GALNT13: variants seen among roughly 807,000 people sequenced by gnomAD.
The protein encoded by GALNT13 is UDP-GalNAc:polypeptide N-acetylgalactosaminyltransferase 13.
A neutral mutation model predicts 64.2 loss-of-function variants in GALNT13; 28 were observed. The observed-to-expected ratio is 0.44, with a 90% CI of 0.32 to 0.60. The LOEUF (loss-of-function observed/expected upper bound fraction) is 0.60, where lower values mean the gene tolerates loss of function less well. GALNT13 is among the 20% of genes least tolerant of loss of function. GALNT13 has a pLI of 0.05. For missense variants in GALNT13, 577 were observed against 669.8 expected (o/e 0.86, Z 1.53); for synonymous variants, 214 against 224.6 (o/e 0.95, Z 0.42).
the GALNT13 span, among the ~76,000 whole-genome samples, chr2:153,389,945 G>A: frequency 6.6e-6 from 1 of 152,046 alleles, no homozygotes; most frequent in African/African-American, 2.4e-5. Flanking sequence ...TTATGACCCA[G>A]CAATCCCATT....
chr2:153,321,678 C>T, the GALNT13 span, among the ~76,000 whole-genome samples: 1 of 152,140 alleles, frequency 6.6e-6, no homozygotes, highest in East Asian at 1.9e-4. Context: ...CCAGTATCTA[C>T]CTCCATTTGA....
the GALNT13 span, among the ~76,000 whole-genome samples, chr2:153,292,935 T>C: frequency 6.6e-6 from 1 of 152,140 alleles, no homozygotes; most frequent in Non-Finnish European, 1.5e-5. Flanking sequence ...TATTTTTTAT[T>C]GTGTTGCAGA....
chr2:153,463,614 G>T, the GALNT13 span, among the ~76,000 whole-genome samples: 7 of 151,994 alleles, frequency 4.6e-5, no homozygotes, highest in Admixed American at 3.9e-4. Flanking sequence ...AGGCTCAAAA[G>T]CATGCTAGGA....
intron 11 of GALNT13, among the ~76,000 whole-genome samples, chr2:154,413,716 T>C (rs773074484): frequency 9.2e-5 from 14 of 152,030 alleles, no homozygotes; most frequent in Non-Finnish European, 2.1e-4. Flanking sequence ...TCTGCTCCAC[T>C]AAAAAACTTA....
At chr2:153,229,714 T>C in the GALNT13 span, among the ~76,000 whole-genome samples, 1 of 152,214 alleles carries the variant, frequency 6.6e-6, no homozygotes, top group African/African-American at 2.4e-5. Context: ...CATGAAATAG[T>C]GCCTCCTAAT....
the GALNT13 span, among the ~76,000 whole-genome samples, chr2:153,748,691 A>G: frequency 6.6e-6 from 1 of 152,044 alleles, no homozygotes; most frequent in South Asian, 2.1e-4. Context: ...TCAGATGACT[A>G]GTTTGCAAAT....
At chr2:154,112,849 GC>G (rs1370878156) in intron 3 of GALNT13, among the ~76,000 whole-genome samples, 11 of 152,176 alleles carry the variant, frequency 7.2e-5, no homozygotes, top group African/African-American at 2.7e-4. Flanking sequence ...TTCCCATAAG[GC>G]CACTGGTGCA....
intron 11 of GALNT13, among the ~76,000 whole-genome samples, chr2:154,427,513 G>C (rs1700524987): frequency 6.6e-6 from 1 of 152,170 alleles, no homozygotes; most frequent in Non-Finnish European, 1.5e-5. Context: ...GGAAGAATAA[G>C]CTGGCTTGCT....
At chr2:153,411,596 G>A in the GALNT13 span, among the ~76,000 whole-genome samples, 1 of 152,146 alleles carries the variant, frequency 6.6e-6, no homozygotes, top group Non-Finnish European at 1.5e-5. Context: ...GTTCACTGGG[G>A]TAGTAGCATG....
At chr2:153,502,979 T>C in the GALNT13 span, among the ~76,000 whole-genome samples, 9 of 152,234 alleles carry the variant, frequency 5.9e-5, no homozygotes, top group Non-Finnish European at 1.0e-4. Context: ...TCCTGAATAT[T>C]AATCCTTTGT....
rs764440105 is a variant in GALNT13 at position 154,242,208 on chromosome 2, T to G, written c.478+12T>G. ...TGCCAGTGAAAGAGGTACAAACTGG[T>G]TTTTTGTTTTTGTTTTTGTTTTTTT... On this transcript the variant is annotated intron_variant, in intron 5 of 12. Coordinates refer to ENST00000392825, the MANE Select transcript of GALNT13 (RefSeq NM_052917.4). The G allele has an allele frequency of 6.2e-7, 1 of 1,602,920 alleles. No individual in the cohort carries two copies.
chr2:153,396,215 T>C, the GALNT13 span, among the ~76,000 whole-genome samples: 6 of 152,090 alleles, frequency 3.9e-5, no homozygotes, highest in African/African-American at 9.7e-5. Flanking sequence ...TTTTGACTTA[T>C]ATTGTACCAG....
chr2:153,697,694 G>A, the GALNT13 span, among the ~76,000 whole-genome samples: 1 of 152,160 alleles, frequency 6.6e-6, no homozygotes, highest in Non-Finnish European at 1.5e-5. Flanking sequence ...GAGGTAATGG[G>A]GTAGAAGCGG....
At chr2:153,774,184 TTAAAG>T in the GALNT13 span, among the ~76,000 whole-genome samples, 11 of 152,072 alleles carry the variant, frequency 7.2e-5, no homozygotes, top group Admixed American at 3.3e-4. Flanking sequence ...TTTTTATTGA[TTAAAG>T]TAATCAATAA....
the GALNT13 span, among the ~76,000 whole-genome samples, chr2:153,686,990 C>T: frequency 1.3e-5 from 2 of 152,102 alleles, no homozygotes; most frequent in African/African-American, 2.4e-5. Flanking sequence ...GGGATAAAGC[C>T]TACTTGATCA....
chr2:154,125,966 C>G (rs747223793), intron 3 of GALNT13, among the ~76,000 whole-genome samples: 18 of 152,068 alleles, frequency 1.2e-4, no homozygotes, highest in Non-Finnish European at 2.4e-4. Flanking sequence ...ATACCTCAGC[C>G]TGGGGATCCA....
chr2:154,197,551 A>G (rs1686946518), intron 4 of GALNT13, among the ~76,000 whole-genome samples: 1 of 152,124 alleles, frequency 6.6e-6, no homozygotes, highest in South Asian at 2.1e-4. Context: ...TAAAGACTTC[A>G]AAGTAAGAAG....
At chr2:154,164,887 G>A (rs1383143890) in intron 4 of GALNT13, among the ~76,000 whole-genome samples, 1 of 152,056 alleles carries the variant, frequency 6.6e-6, no homozygotes, top group Admixed American at 6.6e-5. Context: ...TAAGTTTAAG[G>A]AGGACAGCAG....
rs1017830370 is a variant in GALNT13, at chr2:154,155,602, A to T, written c.311+15097A>T. Among the ~76,000 whole-genome samples the T allele has an allele frequency of 2.6e-5, 4 of 152,076 alleles. No homozygotes were observed. In the South Asian group the frequency reaches 8.3e-4, roughly 31 times the overall value. On this transcript the variant is annotated intron_variant, in intron 4 of 12. Transcript: ENST00000392825. ...ATTTTATAGTTAAATAGCTTAACTC[A>T]TGATAGTAAGACATAGTTTTGTTGA...
Sources: allele counts gnomAD v4.1 joint callset (sites outside exome capture counted in the v4.1 genomes callset), GRCh38; gene constraint gnomAD v4.1.1; transcripts MANE v1.5; gene names NCBI Gene and HGNC (gene_info 2026-07-23, HGNC 2026-07-21).